ZBTB44: variants seen among roughly 807,000 people sequenced by gnomAD.
ZBTB44 encodes the protein zinc finger and BTB domain-containing protein 44.
A neutral mutation model predicts 54.0 loss-of-function variants in ZBTB44; 15 were observed. That is an observed-to-expected ratio of 0.28 (90% confidence interval 0.19 to 0.43). ZBTB44 has a LOEUF of 0.43. Among genes scored for constraint, ZBTB44 ranks in the 20% least tolerant of loss-of-function variants. ZBTB44 has a pLI of 1.00. For synonymous variants in ZBTB44, 230 were observed against 250.1 expected (o/e 0.92, Z 0.76); for missense variants, 487 against 707.1 (o/e 0.69, Z 3.53).
chr11:130,299,154 C>A (rs1046238412), intron 1 of ZBTB44, among the ~76,000 whole-genome samples: 2 of 151,992 alleles, frequency 1.3e-5, no homozygotes, highest in Admixed American at 1.3e-4. Flanking sequence ...AATATACATT[C>A]TTTTCAAGTG....
At position 130,308,442 on chromosome 11, in the gene ZBTB44, C is replaced by T. The variant is rs115836492; in HGVS notation, c.-57+5933G>A. Among the ~76,000 whole-genome samples, 334 of 152,268 alleles carry T rather than the reference C, an allele frequency of 2.2e-3. 3 individuals carry two copies. In the East Asian group the frequency reaches 0.03, roughly 14 times the overall value. ...ACAGCCTTGAATTTGAAACCTGGGT[C>T]GGCCACTTATTGTGATACTCTAGGC... is the stretch of plus-strand genomic sequence containing the variant. On this transcript the variant is annotated intron_variant, in intron 1 of 7. Transcript: ENST00000357899.
intron 1 of ZBTB44, among the ~76,000 whole-genome samples, chr11:130,306,924 T>C (rs1393852039): frequency 2.0e-5 from 3 of 151,654 alleles, no homozygotes; most frequent in African/African-American, 4.9e-5. Context: ...GATAAAAGAC[T>C]ACACATTGGG....
At chr11:130,272,124 C>T (rs1039978063) in intron 1 of ZBTB44, among the ~76,000 whole-genome samples, 4 of 149,984 alleles carry the variant, frequency 2.7e-5, no homozygotes, top group African/African-American at 7.4e-5. Flanking sequence ...CCCAGCTGCT[C>T]GGGAGGCTGA....
At chr11:130,247,618 TAG>T (rs1254344446) in intron 2 of ZBTB44, among the ~76,000 whole-genome samples, 16 of 152,222 alleles carry the variant, frequency 1.1e-4, no homozygotes, top group Non-Finnish European at 1.9e-4. Context: ...TAGGTTGGAT[TAG>T]TTCATCTGAA....
intron 2 of ZBTB44, among the ~76,000 whole-genome samples, chr11:130,242,026 G>A (rs769776237): frequency 8.5e-5 from 13 of 152,178 alleles, no homozygotes; most frequent in Non-Finnish European, 5.9e-5. Context: ...ATCAAGTAGA[G>A]AAAGTTCTCT....
At chr11:130,296,035 C>CT in intron 1 of ZBTB44, 1 of 1,580,662 alleles carries the variant, frequency 6.3e-7, no homozygotes, top group African/African-American at 1.3e-5. Context: ...CCTGCAGTGT[C>CT]TGGTTATTGA....
At chr11:130,251,681 A>G (rs555481191) in intron 2 of ZBTB44, among the ~76,000 whole-genome samples, 2 of 152,326 alleles carry the variant, frequency 1.3e-5, no homozygotes, top group African/African-American at 4.8e-5. Flanking sequence ...ACTACGTTTC[A>G]TAAGTGAGAA....
At chr11:130,285,299 T>C (rs1487711406) in intron 1 of ZBTB44, 1 of 145,086 alleles carries the variant, frequency 6.9e-6, no homozygotes, top group East Asian at 1.9e-4. Flanking sequence ...TCTTTTTTTT[T>C]TTTTTTTTTG....
chr11:130,312,906 T>A (rs959720172), intron 1 of ZBTB44, among the ~76,000 whole-genome samples: 1 of 152,214 alleles, frequency 6.6e-6, no homozygotes, highest in Non-Finnish European at 1.5e-5. Context: ...AGGATTACAG[T>A]GTTTGCAGCT....
At chr11:130,307,961 G>A (rs994697450) in intron 1 of ZBTB44, among the ~76,000 whole-genome samples, 22 of 152,084 alleles carry the variant, frequency 1.4e-4, no homozygotes, top group Non-Finnish European at 4.4e-5. Flanking sequence ...CCTGACCTTA[G>A]GTGAGCCACC....
intron 1 of ZBTB44, among the ~76,000 whole-genome samples, chr11:130,271,999 G>A (rs951260874): frequency 6.6e-6 from 1 of 152,110 alleles, no homozygotes; most frequent in Non-Finnish European, 1.5e-5. Flanking sequence ...GGGAGGTCGA[G>A]GCGGGTGGAT....
chr11:130,291,197 T>G (rs1036888579), intron 1 of ZBTB44, among the ~76,000 whole-genome samples: 3 of 152,012 alleles, frequency 2.0e-5, no homozygotes, highest in Non-Finnish European at 4.4e-5. Flanking sequence ...AGTGGTGCAA[T>G]CTTGGCTCTT....
chr11:130,272,378 G>A (rs1939739289), intron 1 of ZBTB44, among the ~76,000 whole-genome samples: 1 of 152,214 alleles, frequency 6.6e-6, no homozygotes, highest in South Asian at 2.1e-4. Flanking sequence ...TAACAATGTT[G>A]AGCATCTTCA....
At chr11:130,275,525 G>T (rs919679846) in intron 1 of ZBTB44, among the ~76,000 whole-genome samples, 9 of 151,960 alleles carry the variant, frequency 5.9e-5, no homozygotes, top group African/African-American at 2.2e-4. Flanking sequence ...TTTTTGATCT[G>T]TTGGTTATTT....
At chr11:130,292,212 C>T (rs542782958) in intron 1 of ZBTB44, among the ~76,000 whole-genome samples, 1 of 152,240 alleles carries the variant, frequency 6.6e-6, no homozygotes, top group Non-Finnish European at 1.5e-5. Flanking sequence ...ACGAATAAAG[C>T]CGCTATGCAC....
intron 2 of ZBTB44, among the ~76,000 whole-genome samples, chr11:130,249,352 A>G (rs1486301991): frequency 6.6e-6 from 1 of 152,214 alleles, no homozygotes; most frequent in African/African-American, 2.4e-5. Flanking sequence ...TGTATCAACA[A>G]ATAGCTATGA....
intron 1 of ZBTB44, among the ~76,000 whole-genome samples, chr11:130,307,791 A>C (rs1170606267): frequency 6.6e-6 from 1 of 152,174 alleles, no homozygotes; most frequent in East Asian, 1.9e-4. Context: ...ATAGTTACCA[A>C]AACAGCATGG....
At chr11:130,294,504 A>G (rs1447356830) in intron 1 of ZBTB44, among the ~76,000 whole-genome samples, 2 of 150,390 alleles carry the variant, frequency 1.3e-5, no homozygotes, top group Admixed American at 6.6e-5. Context: ...AACTAAGTTA[A>G]CAAAACCAGG....
At position 130,237,780 on chromosome 11, in the gene ZBTB44, A is replaced by G. The variant is rs77576643; in HGVS notation, c.1267+664T>C. Among the ~76,000 whole-genome samples the G allele has an allele frequency of 9.8e-3, 1,500 of 152,324 alleles. 31 individuals carry two copies. Among genetic ancestry groups the G allele is most frequent in the African/African-American group, 0.034 (1,425 of 41,582 alleles). On this transcript the variant is annotated intron_variant, in intron 4 of 7. Coordinates refer to ENST00000357899, the MANE Select transcript of ZBTB44 (RefSeq NM_001301098.2). ...GACAGGGACTGTAAGACCTATCTAC[A>G]GAAGGGGAAAGTGAGATAGTAACTC...
Sources: allele counts gnomAD v4.1 joint callset (sites outside exome capture counted in the v4.1 genomes callset), GRCh38; gene constraint gnomAD v4.1.1; transcripts MANE v1.5; gene names NCBI Gene and HGNC (gene_info 2026-07-23, HGNC 2026-07-21).